HTR4: variants seen among roughly 807,000 people sequenced by gnomAD.
HTR4 encodes the protein 5-hydroxytryptamine (serotonin) receptor 4, G protein-coupled.
HTR4 carries 16 observed loss-of-function variants against 36.8 expected under a neutral mutation model. The observed-to-expected ratio is 0.43, with a 90% CI of 0.29 to 0.66. HTR4 has a LOEUF of 0.66. Among genes scored for constraint, HTR4 ranks in the 30% least tolerant of loss-of-function variants. The pLI, the probability that HTR4 is intolerant of heterozygous loss-of-function variation, is 0.13. For synonymous variants in HTR4, 189 were observed against 185.1 expected, an observed-to-expected ratio of 1.02 and a Z score of -0.17; for missense variants, 438 against 490.9, an observed-to-expected ratio of 0.89 and a Z score of 1.02.
At chr5:148,506,794 C>T (rs1757237960) in intron 6 of HTR4, among the ~76,000 whole-genome samples, 2 of 152,156 alleles carry the variant, frequency 1.3e-5, no homozygotes, top group Non-Finnish European at 2.9e-5. Context: ...CACTGGCCGT[C>T]AGAGAAATGC....
rs1017182139 is a variant in HTR4, at chr5:148,517,933, AT to A, written c.507+5259del. Among the ~76,000 whole-genome samples, 25 of 151,286 alleles carry A rather than the reference AT, an allele frequency of 1.7e-4. No homozygotes were observed. The South Asian group carries it at 4.4e-3, about 27-fold the overall frequency. On this transcript the variant is annotated intron_variant, in intron 5 of 6. Transcript: ENST00000377888. ...GTCCTACACGATCTTTCTCCTATAT[AT>A]TTTTTTTTACTTCCTCTCCTACATT...
Position 148,483,117 on chromosome 5 carries a change from C to G in HTR4, c.*86G>C. On this transcript the variant is annotated 3_prime_UTR_variant, in exon 7 of 7. Transcript: ENST00000377888. ...CGGAAAGCCTCAGGTGAAGAGAATA[C>G]CGGGTGCAGTCGCGCACAAGCAGCA... The G allele has an allele frequency of 6.3e-7, 1 of 1,591,698 alleles. No individual in the cohort carries two copies. Among genetic ancestry groups the G allele is most frequent in the Non-Finnish European group, 8.6e-7 (1 of 1,167,610 alleles).
chr5:148,625,432 A>G (rs1753064190), intron 2 of HTR4, among the ~76,000 whole-genome samples: 1 of 152,238 alleles, frequency 6.6e-6, no homozygotes. Context: ...TAGCTTTAAA[A>G]AATACATGAC....
intron 1 of HTR4, among the ~76,000 whole-genome samples, chr5:148,647,800 G>A (rs1209593759): frequency 6.6e-6 from 1 of 152,196 alleles, no homozygotes; most frequent in East Asian, 1.9e-4. Context: ...AGTGAGCTGA[G>A]ATTGCACCAC....
chr5:148,526,949 T>A (rs10059971), intron 4 of HTR4, among the ~76,000 whole-genome samples: 1,806 of 152,172 alleles, frequency 0.012, 44 homozygotes, highest in African/African-American at 0.041. Flanking sequence ...GGGAATAAGA[T>A]CTAGTGTTTG....
chr5:148,476,625 T>C, downstream of HTR4: 1 of 1,565,204 alleles, frequency 6.4e-7, no homozygotes, highest in Non-Finnish European at 8.6e-7. Context: ...CTTCACATTC[T>C]TCCAAACAAA....
chr5:148,631,480 C>T (rs187116470), intron 2 of HTR4, among the ~76,000 whole-genome samples: 148 of 152,234 alleles, frequency 9.7e-4, no homozygotes, highest in African/African-American at 3.3e-3. Flanking sequence ...ATCAATTCCA[C>T]ATCGATAAGT....
intron 5 of HTR4, among the ~76,000 whole-genome samples, chr5:148,462,199 T>A (rs895926505): frequency 4.6e-5 from 7 of 151,576 alleles, no homozygotes; most frequent in African/African-American, 1.7e-4. Flanking sequence ...AAATAAGAAA[T>A]TCATAGAGAA....
intron 2 of HTR4, among the ~76,000 whole-genome samples, chr5:148,593,410 T>C (rs79300205): frequency 6.6e-6 from 1 of 152,320 alleles, no homozygotes; most frequent in African/African-American, 2.4e-5. Flanking sequence ...CTACTCTTTC[T>C]CTGATTTTGT....
chr5:148,555,035 A>G (rs1005016366), intron 2 of HTR4, among the ~76,000 whole-genome samples: 3 of 151,264 alleles, frequency 2.0e-5, no homozygotes, highest in South Asian at 4.1e-4. Flanking sequence ...TGCTTATTTT[A>G]TATATTAATA....
intron 2 of HTR4, among the ~76,000 whole-genome samples, chr5:148,605,882 T>C (rs1349006320): frequency 6.6e-6 from 1 of 152,112 alleles, no homozygotes; most frequent in East Asian, 1.9e-4. Context: ...CCAAGAAGCA[T>C]GCAAAATCTT....
chr5:148,556,798 G>A (rs955809453), intron 2 of HTR4, among the ~76,000 whole-genome samples: 6 of 152,120 alleles, frequency 3.9e-5, no homozygotes, highest in Non-Finnish European at 5.9e-5. Flanking sequence ...AGGTGGAGTA[G>A]CAAAGTATAA....
rs553288267 is a variant in HTR4, at chr5:148,537,969, C to T, written c.353+10699G>A. On this transcript the variant is annotated intron_variant, in intron 4 of 6. Transcript: ENST00000377888. ...CAGTATCCTTACATGAATATCAATG[C>T]AAAAATCCCTAACAAATTACTTGCA... 3.9e-5 allele frequency among the ~76,000 whole-genome samples: 6 copies of T among 152,202 alleles called. 1 individual carries two copies. Among genetic ancestry groups the T allele is most frequent in the African/African-American group, 1.4e-4 (6 of 41,530 alleles).
intron 5 of HTR4, chr5:148,520,921 C>T: frequency 7.3e-7 from 1 of 1,367,812 alleles, no homozygotes; most frequent in Non-Finnish European, 9.8e-7. Flanking sequence ...TTCTGACATA[C>T]CGCATGAAAA....
chr5:148,641,412 G>C (rs187643282), intron 1 of HTR4, among the ~76,000 whole-genome samples: 1 of 152,062 alleles, frequency 6.6e-6, no homozygotes, highest in Non-Finnish European at 1.5e-5. Flanking sequence ...AATCCCCTTC[G>C]GAGAAACAGT....
chr5:148,632,131 G>A (rs535569549), intron 2 of HTR4, among the ~76,000 whole-genome samples: 1 of 152,080 alleles, frequency 6.6e-6, no homozygotes, highest in South Asian at 2.1e-4. Context: ...TTACAAAAAT[G>A]ATCAATACAT....
chr5:148,633,109 C>T (rs1436026474), intron 2 of HTR4, among the ~76,000 whole-genome samples: 1 of 152,088 alleles, frequency 6.6e-6, no homozygotes, highest in Non-Finnish European at 1.5e-5. Flanking sequence ...AAAGAGCTGC[C>T]TGTTGACTGC....
At chr5:148,572,541 T>TA (rs893326528) in intron 2 of HTR4, among the ~76,000 whole-genome samples, 4 of 152,058 alleles carry the variant, frequency 2.6e-5, no homozygotes, top group East Asian at 1.9e-4. Context: ...GTTTGCCTCT[T>TA]AAAAAAAGTC....
chr5:148,645,435 G>T (rs1753851834), intron 1 of HTR4: 3 of 151,948 alleles, frequency 2.0e-5, no homozygotes, highest in Admixed American at 1.3e-4. Context: ...TGATTTTCTT[G>T]AACAATTAAA....
Sources: gnomAD v4.1 joint callset for allele counts (sites outside exome capture counted in the v4.1 genomes callset) on GRCh38, gnomAD v4.1.1 for gene constraint, MANE v1.5 for transcripts, NCBI Gene and HGNC (gene_info 2026-07-23, HGNC 2026-07-21) for gene names.